SMOC2: variants seen among roughly 807,000 people sequenced by gnomAD.
SMOC2 encodes the protein SPARC-related modular calcium-binding protein 2.
Under a neutral mutation model 61.4 loss-of-function variants are expected in SMOC2, and 39 were observed. The ratio of observed to expected loss-of-function variants is 0.64; its 90% confidence interval spans 0.49 to 0.83. The LOEUF is 0.83. Ranked by LOEUF, SMOC2 falls within the 40% of genes least tolerant of loss-of-function variation. The pLI, the probability that SMOC2 is intolerant of heterozygous loss-of-function variation, is 0.00. For missense variants in SMOC2, 556 were observed against 592.9 expected (o/e 0.94, Z 0.65); for synonymous variants, 247 against 239.9 (o/e 1.03, Z -0.27).
intron 2 of SMOC2, among the ~76,000 whole-genome samples, chr6:168,517,938 C>CG (rs1214625989): frequency 6.6e-6 from 1 of 152,238 alleles, no homozygotes; most frequent in Admixed American, 6.5e-5. Context: ...GAGCCTGGGC[C>CG]GGGGGGCTCT....
chr6:168,485,121 A>G (rs1017258685), intron 1 of SMOC2, among the ~76,000 whole-genome samples: 5 of 152,218 alleles, frequency 3.3e-5, no homozygotes, highest in Admixed American at 1.3e-4. Flanking sequence ...GTATTTTACC[A>G]TAATACAAAT....
chr6:168,521,052 C>T (rs932512869), intron 2 of SMOC2, among the ~76,000 whole-genome samples: 2 of 152,198 alleles, frequency 1.3e-5, no homozygotes, highest in Non-Finnish European at 2.9e-5. Context: ...ATTTGCTTTC[C>T]GTTTAAAAGA....
At chr6:168,576,894 A>G (rs1473152678) in intron 7 of SMOC2, among the ~76,000 whole-genome samples, 1 of 152,016 alleles carries the variant, frequency 6.6e-6, no homozygotes, top group Non-Finnish European at 1.5e-5. Flanking sequence ...ACACGCAGGC[A>G]TTTAGATTTT....
chr6:168,564,601 G>A (rs1784501506), intron 7 of SMOC2, among the ~76,000 whole-genome samples: 1 of 152,162 alleles, frequency 6.6e-6, no homozygotes, highest in Admixed American at 6.5e-5. Flanking sequence ...GTAGTGGATG[G>A]CACATTCTGT....
intron 7 of SMOC2, among the ~76,000 whole-genome samples, chr6:168,558,877 G>GTGTGCGTGTGTGCGTGTGCA (rs1554239924): frequency 4.0e-5 from 6 of 148,968 alleles, no homozygotes; most frequent in Non-Finnish European, 5.9e-5. Context: ...GTGCATGTGT[G>GTGTGCGTGTGTGCGTGTGCA]TGCGTGTGTG....
chr6:168,470,093 G>T (rs1208044925), intron 1 of SMOC2, among the ~76,000 whole-genome samples: 1 of 152,172 alleles, frequency 6.6e-6, no homozygotes, highest in Admixed American at 6.5e-5. Context: ...ATAAAAGTGC[G>T]ATTTGGATCC....
intron 1 of SMOC2, among the ~76,000 whole-genome samples, chr6:168,458,161 G>A (rs899195118): frequency 5.3e-5 from 8 of 152,190 alleles, no homozygotes; most frequent in African/African-American, 7.2e-5. Context: ...TGTGGGGACC[G>A]TTCCCCTGGG....
At chr6:168,493,574 C>A (rs1459061071) in intron 1 of SMOC2, among the ~76,000 whole-genome samples, 1 of 152,070 alleles carries the variant, frequency 6.6e-6, no homozygotes, top group African/African-American at 2.4e-5. Flanking sequence ...AGTACAAAGG[C>A]CAAGATATCT....
chr6:168,663,995 C>T (rs1787587346), intron 11 of SMOC2, 79 bp from the exon 12 acceptor site: 1 of 1,224,958 alleles, frequency 8.2e-7, no homozygotes, highest in Non-Finnish European at 1.2e-6. Context: ...GATGTGGACT[C>T]CTTCCTGAAA....
rs78528563 is a variant in SMOC2, at chr6:168,488,396, G to C, written c.85-21519G>C. On this transcript the variant is annotated intron_variant, in intron 1 of 12. Transcript: ENST00000356284. ...CTGGACTGCTGTAACAACATACCCAGACTGGGTGGCTCAGACAGAAACTCA... is the reference window on the plus strand; with the variant it reads ...CTGGACTGCTGTAACAACATACCCACACTGGGTGGCTCAGACAGAAACTCA... Among the ~76,000 whole-genome samples, 11 of 152,362 alleles carry C rather than the reference G, an allele frequency of 7.2e-5. 1 individual carries two copies. The East Asian group carries it at 2.1e-3, about 29-fold the overall frequency.
At chr6:168,461,282 C>G (rs1781714241) in intron 1 of SMOC2, among the ~76,000 whole-genome samples, 1 of 152,138 alleles carries the variant, frequency 6.6e-6, no homozygotes, top group African/African-American at 2.4e-5. Context: ...TCATCTCCCA[C>G]CAGGTCCCTC....
intron 8 of SMOC2, among the ~76,000 whole-genome samples, chr6:168,602,231 G>A (rs1022951932): frequency 1.3e-5 from 2 of 152,066 alleles, no homozygotes; most frequent in African/African-American, 4.8e-5. Flanking sequence ...GTCTCAAAAT[G>A]TACTTCTCAC....
intron 5 of SMOC2, among the ~76,000 whole-genome samples, chr6:168,546,825 A>G (rs898278005): frequency 6.6e-6 from 1 of 152,124 alleles, no homozygotes; most frequent in Non-Finnish European, 1.5e-5. Flanking sequence ...TTCCTTCCTC[A>G]TCTGCCCTAT....
At chr6:168,585,751 G>A (rs540299781) in intron 7 of SMOC2, among the ~76,000 whole-genome samples, 12 of 152,340 alleles carry the variant, frequency 7.9e-5, no homozygotes, top group South Asian at 6.2e-4. Context: ...TCATGATGAC[G>A]GATGATGTTG....
At chr6:168,470,591 C>T (rs1328909172) in intron 1 of SMOC2, among the ~76,000 whole-genome samples, 1 of 152,058 alleles carries the variant, frequency 6.6e-6, no homozygotes. Flanking sequence ...GTGGGAGGAT[C>T]ACTTGAACCC....
chr6:168,549,050 C>A, intron 6 of SMOC2, 79 bp from the exon 7 acceptor site: 1 of 1,134,224 alleles, frequency 8.8e-7, no homozygotes, highest in Non-Finnish European at 1.3e-6. Flanking sequence ...TGTTGGACTA[C>A]TTGCTGCACT....
intron 8 of SMOC2, among the ~76,000 whole-genome samples, chr6:168,600,452 T>A (rs1342509849): frequency 3.6e-5 from 5 of 139,792 alleles, no homozygotes; most frequent in Admixed American, 7.1e-5. Context: ...AAAACAGTAG[T>A]TTCAACTGTT....
At chr6:168,599,180 CCCACACACACTCATA>C (rs1431032090) in intron 8 of SMOC2, among the ~76,000 whole-genome samples, 176 bp downstream of exon 8, 39 of 121,946 alleles carry the variant, frequency 3.2e-4, no homozygotes, top group African/African-American at 8.1e-4. Flanking sequence ...CTCACACACA[CCCACACACACTCATA>C]CCACACACAC....
rs77992085 is a variant in SMOC2 at position 168,463,773 on chromosome 6, C to T, written c.84+22319C>T. On this transcript the variant is annotated intron_variant, in intron 1 of 12. Coordinates refer to ENST00000356284, the MANE Select transcript of SMOC2 (RefSeq NM_001166412.2). Reference sequence around the variant, plus strand: ...AAGGTGCAGGCCCAGGCGTGTTGCTCAGGCATCATCTCTACAGGGGCACAC... The same window carrying T: ...AAGGTGCAGGCCCAGGCGTGTTGCTTAGGCATCATCTCTACAGGGGCACAC... Among the ~76,000 whole-genome samples, 23 of 152,276 alleles carry T rather than the reference C, an allele frequency of 1.5e-4. No homozygotes were observed. The East Asian group carries it at 4.3e-3, about 28-fold the overall frequency.
Sources: allele counts gnomAD v4.1 joint callset (sites outside exome capture counted in the v4.1 genomes callset), GRCh38; gene constraint gnomAD v4.1.1; transcripts MANE v1.5; gene names NCBI Gene and HGNC (gene_info 2026-07-23, HGNC 2026-07-21).